Variants in LMAN2L observed in about 807,000 individuals in gnomAD.
The protein encoded by LMAN2L is VIP36-like protein.
Under a neutral mutation model 44.3 loss-of-function variants are expected in LMAN2L, and 30 were observed. That is an observed-to-expected ratio of 0.68 (90% CI 0.51 to 0.92). LMAN2L has a LOEUF of 0.92. LMAN2L is among the 40% of genes least tolerant of loss of function. The pLI is 0.00. For missense variants in LMAN2L, 429 were observed against 446.1 expected (o/e 0.96, Z 0.35); for synonymous variants, 183 against 171.1 (o/e 1.07, Z -0.54).
At chr2:96,713,808 T>G (rs1429903690) in intron 4 of LMAN2L, among the ~76,000 whole-genome samples, 4 of 152,222 alleles carry the variant, frequency 2.6e-5, no homozygotes, top group Non-Finnish European at 5.9e-5. Context: ...ATGGAGGCAT[T>G]GCAGAATGAC....
In LMAN2L at chr2:96,707,100, A is replaced by AT. The variant is rs2077799049; in HGVS notation, c.*155dup. On this transcript the variant is annotated 3_prime_UTR_variant, in exon 8 of 8. Transcript: ENST00000264963. ...GATGTCCCCATGCACAACCATGGGA[A>AT]TGCGGGGTCCCTGCATTCAAAACTC... 4.5e-6 allele frequency: 3 copies of AT among 665,718 alleles called. No homozygotes were observed. The Admixed American group carries it at 9.3e-5, about 21-fold the overall frequency. 41.2% of individuals were successfully genotyped at this position (665,718 alleles called of 1,614,324 possible).
chr2:96,736,535 C>T (rs966016132), intron 2 of LMAN2L, among the ~76,000 whole-genome samples: 2 of 152,162 alleles, frequency 1.3e-5, no homozygotes, highest in African/African-American at 4.8e-5. Context: ...AGTATCAAGC[C>T]TTGAACATAA....
At chr2:96,729,520 T>C (rs1190126713) in intron 4 of LMAN2L, among the ~76,000 whole-genome samples, 1 of 152,064 alleles carries the variant, frequency 6.6e-6, no homozygotes, top group African/African-American at 2.4e-5. Flanking sequence ...AATGGCTTTT[T>C]TTTTTGAGAC....
intron 4 of LMAN2L, among the ~76,000 whole-genome samples, chr2:96,713,391 A>T (rs1574000364): frequency 6.6e-6 from 1 of 152,184 alleles, no homozygotes; most frequent in South Asian, 2.1e-4. Flanking sequence ...TTACTATATC[A>T]GATTCTCAAA....
At chr2:96,712,830 C>T (rs1401004936) in intron 4 of LMAN2L, among the ~76,000 whole-genome samples, 1 of 152,194 alleles carries the variant, frequency 6.6e-6, no homozygotes, top group African/African-American at 2.4e-5. Flanking sequence ...AGCAATTCTT[C>T]CTTAGAAATG....
At position 96,739,844 on chromosome 2, in the gene LMAN2L, G is replaced by A. The variant is rs748554847; in HGVS notation, c.187+10C>T. 3 of 1,612,484 alleles carry A rather than the reference G, an allele frequency of 1.9e-6. No individual in the cohort carries two copies. In the Admixed American group the frequency reaches 5.0e-5, roughly 27 times the overall value. On this transcript the variant is annotated intron_variant, in intron 1 of 7. Transcript: ENST00000264963. ...CCCACTGCACGACCACCTCACCCTGGGCGCCTCACCCTGGTAGGGCTTCGA... is the reference window on the plus strand; with the variant it reads ...CCCACTGCACGACCACCTCACCCTGAGCGCCTCACCCTGGTAGGGCTTCGA...
In LMAN2L at chr2:96,723,065, C is replaced by T. The variant is rs867992243; in HGVS notation, c.507+10454G>A. On this transcript the variant is annotated intron_variant, in intron 4 of 7. Coordinates refer to ENST00000264963, the MANE Select transcript of LMAN2L (RefSeq NM_030805.4). ...TAGATGTTTTCATTTCTCTTAGGTA[C>T]ACACCTATGAGTGGAATTGCTAGAT... is the stretch of plus-strand genomic sequence containing the variant. 2.6e-5 allele frequency among the ~76,000 whole-genome samples: 4 copies of T among 151,910 alleles called. No individual in the cohort carries two copies. The Middle Eastern group carries it at 0.01, about 388-fold the overall frequency.
chr2:96,712,765 G>A (rs1284300951), intron 4 of LMAN2L, among the ~76,000 whole-genome samples: 1 of 152,146 alleles, frequency 6.6e-6, no homozygotes, highest in Non-Finnish European at 1.5e-5. Flanking sequence ...TTTCCCATAA[G>A]CCACTCATTT....
At position 96,733,528 on chromosome 2, in the gene LMAN2L, C is replaced by T; in HGVS notation, c.498G>A (p.Lys166=). 1 of 1,613,330 alleles carries T rather than the reference C, an allele frequency of 6.2e-7. No homozygotes were observed. The highest frequency in any genetic ancestry group is 8.5e-7 in the Non-Finnish European group (1 of 1,179,326). The change falls in exon 4 of 8, where the codon AAG becomes AAA. Residue 166 remains lysine (K), a synonymous_variant. Transcript: ENST00000264963. ...VFVDTYPNEE[K]QQERVFPYIS... is the part of the protein sequence containing the mutation. ...TGACACTTGCCATTACCTCTTGCTG[C>T]TTCTCCTCATTGGGGTAGGTGTCTA...
chr2:96,739,716 G>A lies in LMAN2L; in HGVS notation c.187+138C>T, dbSNP rs1004474754. 3.6e-6 allele frequency: 3 copies of A among 840,744 alleles called. No homozygotes were observed. The African/African-American group carries it at 5.1e-5, about 14-fold the overall frequency. The allele number at this position is 840,744 out of a possible 1,614,324, so 52.1% of individuals were successfully genotyped here. A position where few individuals can be genotyped will look rare whatever the true frequency, so the allele number is the denominator to read the frequency against. On this transcript the variant is annotated intron_variant, in intron 1 of 7. Transcript: ENST00000264963. ...TTCAGACCTGTGGCTCCCAAACGCG[G>A]AGGGAGTCTCCGTGGGCCCCACCAC...
chr2:96,732,900 C>T (rs1288188620), intron 4 of LMAN2L, among the ~76,000 whole-genome samples: 1 of 151,562 alleles, frequency 6.6e-6, no homozygotes. Context: ...AGGCACCCAC[C>T]ACCACACCCA....
At chr2:96,711,803 G>C (rs1420697576) in intron 5 of LMAN2L, 33 bp from the exon 6 acceptor site, 1 of 1,612,418 alleles carries the variant, frequency 6.2e-7, no homozygotes, top group East Asian at 2.2e-5. Context: ...TCAGGGTCAG[G>C]CCATGGGAGC....
chr2:96,726,181 A>AT (rs1188939955), intron 4 of LMAN2L, among the ~76,000 whole-genome samples: 2 of 151,510 alleles, frequency 1.3e-5, no homozygotes, highest in Non-Finnish European at 2.9e-5. Flanking sequence ...ATTTTATAAT[A>AT]TTTTTGCATA....
At chr2:96,735,566 C>T (rs183559569) in intron 2 of LMAN2L, among the ~76,000 whole-genome samples, 1 of 152,274 alleles carries the variant, frequency 6.6e-6, no homozygotes, top group Non-Finnish European at 1.5e-5. Context: ...CGGCCCAGCG[C>T]GGTGGCTCAC....
intron 4 of LMAN2L, among the ~76,000 whole-genome samples, chr2:96,716,352 T>G (rs1454466070): frequency 6.6e-6 from 1 of 152,226 alleles, no homozygotes; most frequent in Non-Finnish European, 1.5e-5. Context: ...ACTTCATTAT[T>G]ATGATTCTTG....
intron 6 of LMAN2L, 79 bp from the exon 7 acceptor site, chr2:96,707,912 G>A (rs886616816): frequency 6.9e-7 from 1 of 1,457,796 alleles, no homozygotes; most frequent in Non-Finnish European, 9.4e-7. Context: ...CTTAGTTCAA[G>A]CCTCTGATCC....
chr2:96,711,917 T>C lies in LMAN2L; in HGVS notation c.616A>G (p.Asn206Asp). ...ACCAGGAAGGTGTCGTAATGAAGAT[T>C]GCGGACAATGGCTGTGCAGCCTCCC... The part of the protein sequence containing the change: ...ELGGCTAIVR[N>D]LHYDTFLVIR... Residue 206 changes from asparagine (N) to aspartate (D), a missense_variant, in exon 5 of 8, where the codon AAT (asparagine) becomes GAT (aspartate). Coordinates refer to ENST00000264963, the MANE Select transcript of LMAN2L (RefSeq NM_030805.4). 6.2e-7 allele frequency: 1 copy of C among 1,614,198 alleles called. No individual in the cohort carries two copies. Among genetic ancestry groups the C allele is most frequent in the South Asian group, 1.1e-5 (1 of 91,084 alleles).
chr2:96,721,459 A>T (rs2078153876), intron 4 of LMAN2L, among the ~76,000 whole-genome samples: 1 of 151,090 alleles, frequency 6.6e-6, no homozygotes, highest in African/African-American at 2.4e-5. Context: ...TGGTCTCCTA[A>T]AGTGCTAGAA....
At chr2:96,707,431 C>A in intron 7 of LMAN2L, 33 bp from the exon 8 acceptor site, 1 of 1,591,718 alleles carries the variant, frequency 6.3e-7, no homozygotes, top group Non-Finnish European at 8.6e-7. Context: ...AGTCAGAAAA[C>A]AGGGAGCCCA....
Sources: allele counts gnomAD v4.1 joint callset (sites outside exome capture counted in the v4.1 genomes callset), GRCh38; gene constraint gnomAD v4.1.1; transcripts MANE v1.5; gene names NCBI Gene and HGNC (gene_info 2026-07-23, HGNC 2026-07-21).